Variants in DDX10 observed in about 807,000 individuals in gnomAD.
The protein encoded by DDX10 is DEAD-box helicase 10, also known as probable ATP-dependent RNA helicase DDX10.
DDX10 carries 74 observed loss-of-function variants against 104.3 expected under a neutral mutation model. The observed-to-expected ratio is 0.71, with a 90% CI of 0.59 to 0.86. The LOEUF is 0.86. Ranked by LOEUF, DDX10 falls within the 40% of genes least tolerant of loss-of-function variation. The pLI is 0.00. For synonymous variants in DDX10, 351 were observed against 353.4 expected (o/e 0.99, Z 0.08); for missense variants, 952 against 1,040.0 (o/e 0.92, Z 1.16).
chr11:108,677,180 T>G lies in DDX10; in HGVS notation c.474T>G (p.Phe158Leu). ...CGAGAGAACTGGCCTATCAGACCTTTGAGGTTCTCCGAAAAGTAGGAAAGA... is the reference window on the plus strand; with the variant it reads ...CGAGAGAACTGGCCTATCAGACCTTGGAGGTTCTCCGAAAAGTAGGAAAGA... ...SPTRELAYQT[F>L]EVLRKVGKNH... The change falls in exon 4 of 18, where the codon TTT (phenylalanine) becomes TTG (leucine). Residue 158 changes from phenylalanine (F) to leucine (L), a missense_variant. Physicochemically the swap from Phe to Leu is conservative, Grantham distance 22. Transcript: ENST00000322536. The G allele has an allele frequency of 6.2e-7, 1 of 1,614,008 alleles. No homozygotes were observed. The highest frequency in any genetic ancestry group is 8.5e-7 in the Non-Finnish European group (1 of 1,179,952).
intron 16 of DDX10, among the ~76,000 whole-genome samples, chr11:108,858,787 C>T (rs370496982): frequency 8.5e-5 from 13 of 152,230 alleles, no homozygotes; most frequent in East Asian, 1.9e-4. Flanking sequence ...TATCTAACTT[C>T]GAGCTCCTCA....
Position 108,917,907 on chromosome 11 carries a change from GTGATGA to G in DDX10, c.2360_2365del (p.Asp787_Asp788del), listed in dbSNP as rs373041499. The stretch of plus-strand genomic sequence containing the variant: ...GAAGAGGAAGCCTTTCTGGATTGGA[GTGATGA>G]TGATGATGATGATGATGATGGATTT... On this transcript the variant is annotated inframe_deletion, in exon 17 of 18. Transcript: ENST00000322536. The G allele has an allele frequency of 5.0e-6, 8 of 1,610,856 alleles. No individual in the cohort carries two copies. In the Admixed American group the frequency reaches 5.0e-5, roughly 10 times the overall value.
At chr11:108,756,040 A>G (rs1396492015) in intron 13 of DDX10, among the ~76,000 whole-genome samples, 1 of 151,828 alleles carries the variant, frequency 6.6e-6, no homozygotes, top group Non-Finnish European at 1.5e-5. Context: ...GAAATATTCC[A>G]AAGTCATGTG....
chr11:108,929,893 T>A (rs1023927916), intron 17 of DDX10, among the ~76,000 whole-genome samples: 1 of 152,186 alleles, frequency 6.6e-6, no homozygotes, highest in Non-Finnish European at 1.5e-5. Flanking sequence ...AAACATGGAG[T>A]GAAAAATATA....
intron 13 of DDX10, among the ~76,000 whole-genome samples, chr11:108,835,273 C>G (rs750278535): frequency 5.3e-5 from 8 of 152,178 alleles, no homozygotes; most frequent in Non-Finnish European, 8.8e-5. Flanking sequence ...ACAATAGTCA[C>G]ACATCTTAGA....
At chr11:108,897,102 C>T (rs1863451945) in intron 16 of DDX10, among the ~76,000 whole-genome samples, 1 of 152,046 alleles carries the variant, frequency 6.6e-6, no homozygotes, top group African/African-American at 2.4e-5. Context: ...CCAAGTGACT[C>T]AACACCAAAA....
rs1272270465 is a variant in DDX10, at chr11:108,924,805, ATTTC to A, written c.2450+6794_2450+6797del. Among the ~76,000 whole-genome samples, 4 of 152,126 alleles carry A rather than the reference ATTTC, an allele frequency of 2.6e-5. 1 individual carries two copies. The highest frequency in any genetic ancestry group is 9.7e-5 in the African/African-American group (4 of 41,436). ...AACAATGTTCTCAGAAGCCATTTTC[ATTTC>A]TTTCTTGTTTTTGGATGGAGCTAAA... On this transcript the variant is annotated intron_variant, in intron 17 of 17. Coordinates refer to ENST00000322536, the MANE Select transcript of DDX10 (RefSeq NM_004398.4).
chr11:108,841,996 A>G (rs1862645103), intron 15 of DDX10, among the ~76,000 whole-genome samples: 2 of 152,208 alleles, frequency 1.3e-5, no homozygotes, highest in African/African-American at 4.8e-5. Flanking sequence ...TCACCATTCA[A>G]CCATTGGAAA....
At chr11:108,899,110 AT>A (rs1404759083) in intron 16 of DDX10, among the ~76,000 whole-genome samples, 2 of 152,062 alleles carry the variant, frequency 1.3e-5, no homozygotes, top group East Asian at 3.9e-4. Context: ...CTCAATCTCT[AT>A]TTTATTCTCA....
At chr11:108,760,411 A>G (rs2094349360) in intron 13 of DDX10, among the ~76,000 whole-genome samples, 1 of 152,022 alleles carries the variant, frequency 6.6e-6, no homozygotes, top group Non-Finnish European at 1.5e-5. Context: ...CTGTATTTTT[A>G]AGAATGACTA....
intron 2 of DDX10, among the ~76,000 whole-genome samples, chr11:108,674,639 T>C (rs1446839637): frequency 6.6e-6 from 1 of 152,080 alleles, no homozygotes; most frequent in Non-Finnish European, 1.5e-5. Flanking sequence ...GCCTCCTGAG[T>C]AGTTGGAACT....
chr11:108,736,668 C>T (rs558905019), intron 13 of DDX10, among the ~76,000 whole-genome samples: 1 of 152,174 alleles, frequency 6.6e-6, no homozygotes, highest in Non-Finnish European at 1.5e-5. Context: ...CCAGCTTGCT[C>T]TTCTGCCATG....
intron 16 of DDX10, among the ~76,000 whole-genome samples, chr11:108,857,025 A>G (rs1381934633): frequency 1.3e-5 from 2 of 152,206 alleles, no homozygotes; most frequent in African/African-American, 4.8e-5. Flanking sequence ...TACATAGCTA[A>G]TACTTTTAAA....
intron 9 of DDX10, among the ~76,000 whole-genome samples, chr11:108,704,412 C>G (rs112563116): frequency 6.6e-6 from 1 of 152,182 alleles, no homozygotes; most frequent in African/African-American, 2.4e-5. Context: ...GAAGGTAATT[C>G]GCTTAACCTC....
intron 9 of DDX10, among the ~76,000 whole-genome samples, chr11:108,701,490 G>C (rs1377277115): frequency 1.3e-5 from 2 of 152,102 alleles, no homozygotes; most frequent in African/African-American, 4.8e-5. Flanking sequence ...TCAGTAGTCA[G>C]AGTTGTAGAG....
In DDX10 at chr11:108,829,468, T is replaced by C. The variant is rs371253841; in HGVS notation, c.1966-8978T>C. On this transcript the variant is annotated intron_variant, in intron 13 of 17. Coordinates refer to ENST00000322536, the MANE Select transcript of DDX10 (RefSeq NM_004398.4). ...TTTTTTTCTTGCCGATTTGTTTGAA[T>C]TCTTTGTAGATTCTGGATATTAGGC... Among the ~76,000 whole-genome samples the C allele has an allele frequency of 4.6e-4, 70 of 152,344 alleles. No homozygotes were observed. In the Middle Eastern group the frequency reaches 0.02, roughly 44 times the overall value.
At chr11:108,793,950 A>G (rs1312133287) in intron 13 of DDX10, among the ~76,000 whole-genome samples, 1 of 151,162 alleles carries the variant, frequency 6.6e-6, no homozygotes, top group Non-Finnish European at 1.5e-5. Flanking sequence ...TGCCTAGTTT[A>G]TGCCACTTAA....
At chr11:108,820,316 A>G (rs1862309179) in intron 13 of DDX10, among the ~76,000 whole-genome samples, 1 of 152,238 alleles carries the variant, frequency 6.6e-6, no homozygotes. Context: ...ACAATGACAT[A>G]TGGCATGGAT....
At chr11:108,738,546 C>T (rs2094321097) in intron 13 of DDX10, among the ~76,000 whole-genome samples, 3 of 152,012 alleles carry the variant, frequency 2.0e-5, no homozygotes, top group Admixed American at 1.3e-4. Context: ...ATCTAGTTTC[C>T]AGTGTGTCAA....
Sources: gnomAD v4.1 joint callset for allele counts (sites outside exome capture counted in the v4.1 genomes callset) on GRCh38, gnomAD v4.1.1 for gene constraint, MANE v1.5 for transcripts, NCBI Gene and HGNC (gene_info 2026-07-23, HGNC 2026-07-21) for gene names.